Variants in CSMD3 observed in about 807,000 individuals in gnomAD.
CSMD3 encodes CUB and sushi domain-containing protein 3.
CSMD3 carries 177 observed loss-of-function variants against 435.2 expected under a neutral mutation model. That is an observed-to-expected ratio of 0.41 (90% CI 0.36 to 0.46). The LOEUF is 0.46. Ranked by LOEUF, CSMD3 falls within the 20% of genes least tolerant of loss-of-function variation. The pLI, the probability that CSMD3 is intolerant of heterozygous loss-of-function variation, is 0.34. For missense variants in CSMD3, 4,265 were observed against 4,504.6 expected, an observed-to-expected ratio of 0.95 and a Z score of 1.52; for synonymous variants, 1,656 against 1,520.5, an observed-to-expected ratio of 1.09 and a Z score of -2.07.
intron 10 of CSMD3, among the ~76,000 whole-genome samples, chr8:112,862,021 A>C (rs148654317): frequency 2.0e-5 from 3 of 152,064 alleles, no homozygotes; most frequent in Admixed American, 2.0e-4. Context: ...TTAACTATAA[A>C]ATAGTGCTCT....
rs575101376 is a variant in CSMD3, at chr8:113,195,852, C to A, written c.515-21936G>T. On this transcript the variant is annotated intron_variant, in intron 3 of 70. Coordinates refer to ENST00000297405, the MANE Select transcript of CSMD3 (RefSeq NM_198123.2). ...ACACACACACACACCCCCACACACA[C>A]ATGCATATATAGTGCTCAGTGTTAA... Among the ~76,000 whole-genome samples the A allele has an allele frequency of 3.6e-3, 530 of 147,076 alleles. 5 individuals are homozygous for A. Among genetic ancestry groups the A allele is most frequent in the African/African-American group, 0.012 (496 of 40,282 alleles).
chr8:112,786,295 G>C (rs1445398266), intron 13 of CSMD3, among the ~76,000 whole-genome samples: 1 of 151,978 alleles, frequency 6.6e-6, no homozygotes, highest in Non-Finnish European at 1.5e-5. Context: ...TGAATTAAAG[G>C]CTTAAATTTA....
At chr8:112,277,745 T>TA (rs1554625281) in intron 59 of CSMD3, among the ~76,000 whole-genome samples, 1 of 152,094 alleles carries the variant, frequency 6.6e-6, no homozygotes, top group Non-Finnish European at 1.5e-5. Context: ...CTCACAATTA[T>TA]AGCAGAAGGA....
At chr8:113,032,365 T>C (rs537001393) in intron 5 of CSMD3, among the ~76,000 whole-genome samples, 3 of 151,560 alleles carry the variant, frequency 2.0e-5, no homozygotes, top group Admixed American at 6.6e-5. Flanking sequence ...TGGTCTCAGA[T>C]GGAGATGAGG....
chr8:112,286,067 T>C (rs1303617752), intron 58 of CSMD3, among the ~76,000 whole-genome samples: 1 of 152,120 alleles, frequency 6.6e-6, no homozygotes, highest in African/African-American at 2.4e-5. Flanking sequence ...ACAATTAAAA[T>C]TTTACTCAAA....
intron 3 of CSMD3, among the ~76,000 whole-genome samples, chr8:113,209,544 TA>T (rs2092808398): frequency 6.6e-6 from 1 of 152,254 alleles, no homozygotes; most frequent in East Asian, 1.9e-4. Context: ...TGAATTGGTC[TA>T]AAAAATAAAT....
chr8:112,842,926 G>A (rs2080221955), intron 11 of CSMD3, among the ~76,000 whole-genome samples: 1 of 151,714 alleles, frequency 6.6e-6, no homozygotes, highest in African/African-American at 2.4e-5. Flanking sequence ...GATTCAAGAT[G>A]TTAAAATGAA....
chr8:112,463,001 G>A (rs996178855), intron 32 of CSMD3, among the ~76,000 whole-genome samples: 5 of 152,172 alleles, frequency 3.3e-5, no homozygotes, highest in African/African-American at 7.2e-5. Context: ...TCCCTAGAAA[G>A]TCTCATTTTG....
chr8:113,002,725 C>T (rs2085910329), intron 6 of CSMD3, among the ~76,000 whole-genome samples: 1 of 152,022 alleles, frequency 6.6e-6, no homozygotes. Context: ...CAACCTCTTT[C>T]TTGTGTTTTT....
intron 31 of CSMD3, among the ~76,000 whole-genome samples, chr8:112,482,926 C>G (rs1258484147): frequency 2.0e-5 from 3 of 152,074 alleles, no homozygotes; most frequent in Non-Finnish European, 4.4e-5. Context: ...TGATTAATGT[C>G]CATATCTATC....
chr8:113,247,045 TTGCACATGTG>T, intron 3 of CSMD3, among the ~76,000 whole-genome samples: 1 of 152,280 alleles, frequency 6.6e-6, no homozygotes, highest in East Asian at 1.9e-4. Flanking sequence ...TGTACACACT[TTGCACATGTG>T]TGCACTTTCT....
chr8:112,322,021 C>G (rs1020519805), intron 45 of CSMD3, among the ~76,000 whole-genome samples: 6 of 151,988 alleles, frequency 3.9e-5, no homozygotes, highest in Admixed American at 3.9e-4. Flanking sequence ...TAGGGGGAGC[C>G]TAAACAGAGA....
chr8:112,424,898 G>T (rs1812901929), intron 32 of CSMD3, among the ~76,000 whole-genome samples: 2 of 152,130 alleles, frequency 1.3e-5, no homozygotes, highest in East Asian at 3.9e-4. Flanking sequence ...CACCATGTTG[G>T]CCAGGAGGGT....
rs370836040 is a variant in CSMD3, at chr8:112,244,503, C to T, written c.10293G>A (p.Gly3431=). Reference sequence around the variant, plus strand: ...GCTGACAGGTATAAATCAGTGTATACCCATGAGATGGAAGGTCCATCCCTA... The same window carrying T: ...GCTGACAGGTATAAATCAGTGTATATCCATGAGATGGAAGGTCCATCCCTA... The part of the protein sequence containing the change: ...NVVGMDLPSH[G]YTLIYTCQPG... The change falls in exon 65 of 71, where the codon GGG becomes GGA. Residue 3431 remains glycine (G), a synonymous_variant. Transcript: ENST00000297405. The T allele has an allele frequency of 6.2e-7, 1 of 1,613,752 alleles. No homozygotes were observed. Among genetic ancestry groups the T allele is most frequent in the Non-Finnish European group, 8.5e-7 (1 of 1,179,716 alleles).
At chr8:112,262,823 T>C (rs1240683757) in intron 61 of CSMD3, among the ~76,000 whole-genome samples, 1 of 152,034 alleles carries the variant, frequency 6.6e-6, no homozygotes, top group Non-Finnish European at 1.5e-5. Context: ...AAAAGTCCTA[T>C]GAGCATGTAG....
chr8:113,249,060 A>T (rs866164042), intron 3 of CSMD3, among the ~76,000 whole-genome samples: 1 of 152,034 alleles, frequency 6.6e-6, no homozygotes, highest in Non-Finnish European at 1.5e-5. Context: ...GGTTTCCTTC[A>T]TACTGTTCTC....
At chr8:112,536,608 T>C (rs1268253668) in intron 27 of CSMD3, among the ~76,000 whole-genome samples, 2 of 152,140 alleles carry the variant, frequency 1.3e-5, no homozygotes, top group South Asian at 4.1e-4. Flanking sequence ...GAAGTCAGTG[T>C]AGCAATTCCT....
chr8:112,453,957 T>A (rs1000307532), intron 32 of CSMD3, among the ~76,000 whole-genome samples: 2 of 151,866 alleles, frequency 1.3e-5, no homozygotes, highest in East Asian at 1.9e-4. Flanking sequence ...GAAATAAAGC[T>A]GTACTTCTAC....
chr8:113,377,802 G>A (rs1423595154), intron 1 of CSMD3, among the ~76,000 whole-genome samples: 1 of 152,070 alleles, frequency 6.6e-6, no homozygotes, highest in Non-Finnish European at 1.5e-5. Flanking sequence ...AGCAGATTGT[G>A]TTGAGTAATG....
Sources: allele counts gnomAD v4.1 joint callset (sites outside exome capture counted in the v4.1 genomes callset), GRCh38; gene constraint gnomAD v4.1.1; transcripts MANE v1.5; gene names NCBI Gene and HGNC (gene_info 2026-07-23, HGNC 2026-07-21).